BAHCC1: variants seen among roughly 807,000 people sequenced by gnomAD.
BAHCC1 encodes BAH and coiled-coil domain-containing protein 1.
BAHCC1 carries 43 observed loss-of-function variants against 88.2 expected under a neutral mutation model. The ratio of observed to expected loss-of-function variants is 0.49; its 90% CI spans 0.38 to 0.63. BAHCC1 has a LOEUF of 0.63. Ranked by LOEUF, BAHCC1 falls within the 20% of genes least tolerant of loss-of-function variation. The pLI is 0.00. For missense variants in BAHCC1, 3,023 were observed against 1,654.8 expected, an observed-to-expected ratio of 1.83 and a Z score of -14.34; for synonymous variants, 1,510 against 745.5, an observed-to-expected ratio of 2.03 and a Z score of -16.71.
intron 3 of BAHCC1, among the ~76,000 whole-genome samples, chr17:81,436,065 C>T (rs2064331572): frequency 6.6e-6 from 1 of 152,048 alleles, no homozygotes; most frequent in Non-Finnish European, 1.5e-5. Flanking sequence ...GCCGACTGGG[C>T]CTCTCCGGCA....
At chr17:81,462,530 G>A (rs1359605388) in intron 26 of BAHCC1, 47 of 571,190 alleles carry the variant, frequency 8.2e-5, no homozygotes, top group East Asian at 7.2e-4. Flanking sequence ...TTCCATGTGC[G>A]GGCTCCGTGG....
intron 2 of BAHCC1, among the ~76,000 whole-genome samples, chr17:81,406,363 C>T (rs1367433185): frequency 2.6e-5 from 4 of 152,236 alleles, no homozygotes; most frequent in African/African-American, 7.2e-5. Context: ...TGCATTCCCC[C>T]TCCCAGCCCC....
chr17:81,444,164 C>T, intron 6 of BAHCC1: 1 of 604,528 alleles, frequency 1.7e-6, no homozygotes, highest in Middle Eastern at 4.4e-4. Context: ...CCCCAGTCAG[C>T]CCTGCAGAGC....
At position 81,412,683 on chromosome 17, in the gene BAHCC1, GC is replaced by G. The variant is rs565244341; in HGVS notation, c.178+12772del. 2.6e-3 allele frequency among the ~76,000 whole-genome samples: 400 copies of G among 152,228 alleles called. 4 individuals carry two copies. Among genetic ancestry groups the G allele is most frequent in the Non-Finnish European group, 1.5e-3 (99 of 68,000 alleles). The stretch of plus-strand genomic sequence containing the variant: ...TCCCGGGGGCTCTTTCCCCGTCCGC[GC>G]CCCCCGCCCCACCCTGTGGCTCTGT... On this transcript the variant is annotated intron_variant, in intron 2 of 27. Coordinates refer to ENST00000675386, the MANE Select transcript of BAHCC1 (RefSeq NM_001377448.1).
chr17:81,449,468 C>T (rs994782119), intron 11 of BAHCC1, among the ~76,000 whole-genome samples: 9 of 152,314 alleles, frequency 5.9e-5, no homozygotes, highest in East Asian at 3.9e-4. Flanking sequence ...CCCCCACCAT[C>T]GGGGCCGGGC....
intron 2 of BAHCC1, chr17:81,415,682 G>A (rs183462973): frequency 2.4e-5 from 10 of 409,048 alleles, no homozygotes; most frequent in East Asian, 1.5e-4. Context: ...GAGTCCCCTC[G>A]GTGGGAGGTG....
At position 81,461,732 on chromosome 17, in the gene BAHCC1, C is replaced by T. The variant is rs1555659513; in HGVS notation, c.7069C>T (p.Leu2357=). Residue 2357 remains leucine (L), a synonymous_variant, in exon 26 of 28, where the codon CTG becomes TTG. Coordinates refer to ENST00000675386, the MANE Select transcript of BAHCC1 (RefSeq NM_001377448.1). ...CTCAGACGACGAGGACCCGGCTCTG[C>T]TGCTGCAGACCTGCCTCACCCACCC... ...YSSDDEDPAL[L]LQTCLTHPVP... 3 of 718,302 alleles carry T rather than the reference C, an allele frequency of 4.2e-6. No homozygotes were observed. In the African/African-American group the frequency reaches 5.2e-5, roughly 13 times the overall value. The allele number at this position is 718,302 out of a possible 1,614,324, so 44.5% of individuals were successfully genotyped here.
chr17:81,414,559 C>T (rs1280226873), intron 2 of BAHCC1, among the ~76,000 whole-genome samples: 2 of 152,230 alleles, frequency 1.3e-5, no homozygotes, highest in African/African-American at 2.4e-5. Context: ...ACCTCGCCCG[C>T]TCCCCTGCAG....
chr17:81,461,258 C>A lies in BAHCC1; in HGVS notation c.6595C>A (p.Arg2199=). 1 of 696,318 alleles carries A rather than the reference C, an allele frequency of 1.4e-6. No homozygotes were observed. 43.1% of individuals were successfully genotyped at this position (696,318 alleles called of 1,614,324 possible). A position where few individuals can be genotyped will look rare whatever the true frequency, so the allele number is the denominator to read the frequency against. The change falls in exon 26 of 28, where the codon CGG becomes AGG. Residue 2199 remains arginine, a synonymous_variant. Coordinates refer to ENST00000675386, the MANE Select transcript of BAHCC1 (RefSeq NM_001377448.1). The stretch of plus-strand genomic sequence containing the variant: ...GAGGGTGGAGGCCGAGAAGGGTGGG[C>A]GGCGGCGGGCGGGCGGTGAGTTCCT... ...AERVEAEKGG[R]RRAGGEFLVK...
intron 2 of BAHCC1, among the ~76,000 whole-genome samples, chr17:81,412,746 A>G (rs1203380229): frequency 2.6e-5 from 4 of 152,192 alleles, no homozygotes; most frequent in Admixed American, 2.6e-4. Flanking sequence ...TCTCTCCCAC[A>G]TGATCTCACA....
chr17:81,411,221 G>A lies in BAHCC1; in HGVS notation c.178+11304G>A, dbSNP rs1005300485. 139 of 514,274 alleles carry A rather than the reference G, an allele frequency of 2.7e-4. No individual in the cohort carries two copies. The highest frequency in any genetic ancestry group is 2.2e-3 in the Middle Eastern group (4 of 1,796). The allele number at this position is 514,274 out of a possible 1,614,324, so 31.9% of individuals were successfully genotyped here. A position where few individuals can be genotyped will look rare whatever the true frequency, so the allele number is the denominator to read the frequency against. On this transcript the variant is annotated intron_variant, in intron 2 of 27. Coordinates refer to ENST00000675386, the MANE Select transcript of BAHCC1 (RefSeq NM_001377448.1). The surrounding 1 kb of genome is among the most constrained non-coding windows in gnomAD (Gnocchi z 6.2). Reference sequence around the variant, plus strand: ...GCGCCACCTGGGCATGCCCAGTGGGGCCCCAGGAGGACTCGCCACCCCCAG... The same window carrying A: ...GCGCCACCTGGGCATGCCCAGTGGGACCCCAGGAGGACTCGCCACCCCCAG...
Position 81,409,662 on chromosome 17 carries a change from G to A in BAHCC1, c.178+9745G>A, listed in dbSNP as rs577189992. On this transcript the variant is annotated intron_variant, in intron 2 of 27. Coordinates refer to ENST00000675386, the MANE Select transcript of BAHCC1 (RefSeq NM_001377448.1). ...CACCTGGGGAGGGCTGCCTCTCCCC[G>A]CCCAAGGGCCTGCTCCCCTTGCCAC... Among the ~76,000 whole-genome samples, 10 of 152,262 alleles carry A rather than the reference G, an allele frequency of 6.6e-5. No individual in the cohort carries two copies. In the South Asian group the frequency reaches 1.2e-3, roughly 19 times the overall value.
At chr17:81,441,119 C>T (rs2064407538) in intron 4 of BAHCC1, among the ~76,000 whole-genome samples, 2 of 152,232 alleles carry the variant, frequency 1.3e-5, no homozygotes, top group Non-Finnish European at 2.9e-5. Context: ...CCCACTGGCA[C>T]TGGGCCAGGC....
chr17:81,438,987 C>T (rs535079707), intron 4 of BAHCC1, among the ~76,000 whole-genome samples: 9 of 152,334 alleles, frequency 5.9e-5, no homozygotes, highest in East Asian at 1.9e-4. Context: ...CCCCCAGCCC[C>T]GTGTCCTGGT....
chr17:81,418,474 TG>T (rs1420266439), intron 2 of BAHCC1, among the ~76,000 whole-genome samples: 2 of 152,146 alleles, frequency 1.3e-5, no homozygotes, highest in East Asian at 1.9e-4. Flanking sequence ...AGCAGTGGGC[TG>T]GGGGGCTGGA....
chr17:81,442,223 G>C lies in BAHCC1; in HGVS notation c.874G>C (p.Gly292Arg). 1.6e-6 allele frequency: 1 copy of C among 642,092 alleles called. No individual in the cohort carries two copies. Among genetic ancestry groups the C allele is most frequent in the South Asian group, 1.8e-5 (1 of 56,394 alleles). The allele number at this position is 642,092 out of a possible 1,614,324, so 39.8% of individuals were successfully genotyped here. Residue 292 changes from glycine (G) to arginine (R), a missense_variant, in exon 5 of 28, where the codon GGC (glycine) becomes CGC (arginine). Physicochemically the swap from Gly to Arg is moderately radical, Grantham distance 125. Coordinates refer to ENST00000675386, the MANE Select transcript of BAHCC1 (RefSeq NM_001377448.1). ...SCLLNTKVLN[G>R]EMGRAALASC... ...CCTCCTCAACACCAAGGTGCTCAAC[G>C]GCGAGATGGGCAGGGCTGCGCTAGC...
At chr17:81,439,121 G>GA (rs1555652141) in intron 4 of BAHCC1, among the ~76,000 whole-genome samples, 3 of 152,354 alleles carry the variant, frequency 2.0e-5, no homozygotes, top group Admixed American at 6.5e-5. Context: ...GCCCAGCAGA[G>GA]CCGAGTCCTG....
intron 11 of BAHCC1, chr17:81,451,087 T>G (rs1196968364): frequency 2.6e-5 from 4 of 154,594 alleles, no homozygotes; most frequent in African/African-American, 9.6e-5. Context: ...CTGGATGGAG[T>G]GATGCCCAGG....
chr17:81,407,856 T>A (rs568088227), intron 2 of BAHCC1, among the ~76,000 whole-genome samples: 87 of 152,296 alleles, frequency 5.7e-4, no homozygotes, highest in African/African-American at 2.0e-3. Flanking sequence ...ACACACACAC[T>A]CACACTGTTC....
Sources: allele counts gnomAD v4.1 joint callset (sites outside exome capture counted in the v4.1 genomes callset), GRCh38; gene constraint gnomAD v4.1.1; non-coding constraint Gnocchi (gnomAD v3.1); transcripts MANE v1.5; gene names NCBI Gene and HGNC (gene_info 2026-07-23, HGNC 2026-07-21).